The following LTBP1 variants were observed in gnomAD, a reference collection of about 807,000 sequenced individuals.
LTBP1 encodes the protein latent transforming growth factor beta binding protein 1, also known as latent-transforming growth factor beta-binding protein 1.
LTBP1 carries 129 observed loss-of-function variants against 207.6 expected under a neutral mutation model. The observed-to-expected ratio is 0.62, with a 90% confidence interval of 0.54 to 0.72. The LOEUF (loss-of-function observed/expected upper bound fraction) is 0.72. LTBP1 is among the 30% of genes least tolerant of loss of function. The pLI is 0.00. For missense variants in LTBP1, 2,281 were observed against 2,217.2 expected (o/e 1.03, Z -0.58); for synonymous variants, 963 against 833.7 (o/e 1.16, Z -2.67).
intron 3 of LTBP1, among the ~76,000 whole-genome samples, chr2:33,074,636 C>T (rs2077977626): frequency 6.6e-6 from 1 of 152,138 alleles, no homozygotes; most frequent in East Asian, 1.9e-4. Context: ...TTGGGAAGGC[C>T]GAGGCAGGCA....
chr2:33,120,929 C>T, intron 4 of LTBP1, among the ~76,000 whole-genome samples: 1 of 152,186 alleles, frequency 6.6e-6, no homozygotes, highest in South Asian at 2.1e-4. Context: ...GTTGACTACT[C>T]AGACTTACAT....
chr2:33,243,900 A>G, intron 10 of LTBP1, 116 bp downstream of exon 10: 1 of 1,162,270 alleles, frequency 8.6e-7, no homozygotes, highest in South Asian at 1.5e-5. Context: ...GGAAAACCTC[A>G]TTAATTAAAA....
At chr2:33,396,666 G>A (rs899190151) in intron 32 of LTBP1, among the ~76,000 whole-genome samples, 12 of 152,194 alleles carry the variant, frequency 7.9e-5, no homozygotes, top group African/African-American at 2.7e-4. Context: ...GAGCCAGCCT[G>A]CTTCTCTCTG....
intron 3 of LTBP1, among the ~76,000 whole-genome samples, chr2:33,067,464 A>G (rs1161640717): frequency 1.3e-5 from 2 of 152,272 alleles, no homozygotes; most frequent in African/African-American, 2.4e-5. Context: ...TAGCAGATAC[A>G]TTTTCTTAGC....
At chr2:33,226,464 G>A (rs1360428534) in intron 9 of LTBP1, among the ~76,000 whole-genome samples, 2 of 152,330 alleles carry the variant, frequency 1.3e-5, no homozygotes, top group East Asian at 1.9e-4. Flanking sequence ...TAGAGTAGCA[G>A]GTACAGCAGA....
chr2:33,072,031 A>G (rs1005049703), intron 3 of LTBP1, among the ~76,000 whole-genome samples: 1 of 86,574 alleles, frequency 1.2e-5, no homozygotes, highest in Non-Finnish European at 3.5e-5. Context: ...CAGTCCCACG[A>G]GACTGCCCCC....
intron 3 of LTBP1, among the ~76,000 whole-genome samples, chr2:33,085,045 C>T (rs2078669802): frequency 6.6e-6 from 1 of 152,126 alleles, no homozygotes; most frequent in South Asian, 2.1e-4. Flanking sequence ...GTGGCAAGTG[C>T]CCTTAGAAGA....
intron 15 of LTBP1, among the ~76,000 whole-genome samples, chr2:33,270,181 A>G (rs1336217674): frequency 6.6e-6 from 1 of 151,774 alleles, no homozygotes; most frequent in Non-Finnish European, 1.5e-5. Context: ...CGGCCTCCCA[A>G]AGTGCTGGGA....
chr2:33,202,029 A>ACACAGACACG (rs1444428946), intron 7 of LTBP1, among the ~76,000 whole-genome samples: 1 of 47,174 alleles, frequency 2.1e-5, no homozygotes, highest in African/African-American at 5.1e-5. Context: ...TGGAACACAC[A>ACACAGACACG]CACACACACA....
intron 8 of LTBP1, among the ~76,000 whole-genome samples, chr2:33,219,850 T>C (rs1226448054): frequency 6.6e-6 from 1 of 152,168 alleles, no homozygotes; most frequent in Non-Finnish European, 1.5e-5. Context: ...AGATTCCTAC[T>C]GTCCTTTTAT....
At chr2:33,142,324 G>A (rs2082697238) in intron 5 of LTBP1, among the ~76,000 whole-genome samples, 1 of 152,124 alleles carries the variant, frequency 6.6e-6, no homozygotes, top group Non-Finnish European at 1.5e-5. Flanking sequence ...CAAAGTGCTT[G>A]GATTACAGGC....
At chr2:33,394,438 G>A (rs926278762) in intron 32 of LTBP1, among the ~76,000 whole-genome samples, 1 of 152,112 alleles carries the variant, frequency 6.6e-6, no homozygotes. Flanking sequence ...GGTCTAACAT[G>A]TAAGTCTTTA....
chr2:33,178,548 T>C (rs2086302249), intron 5 of LTBP1, among the ~76,000 whole-genome samples: 1 of 152,230 alleles, frequency 6.6e-6, no homozygotes, highest in Admixed American at 6.5e-5. Context: ...TTGGAATTGT[T>C]GTTTGCATTG....
At chr2:33,184,024 T>G (rs1156899910) in intron 5 of LTBP1, among the ~76,000 whole-genome samples, 1 of 152,132 alleles carries the variant, frequency 6.6e-6, no homozygotes, top group Non-Finnish European at 1.5e-5. Flanking sequence ...TTTCCTCCTG[T>G]GTCCCATCAT....
chr2:33,348,663 G>C (rs537725651), intron 26 of LTBP1, among the ~76,000 whole-genome samples: 60 of 152,202 alleles, frequency 3.9e-4, no homozygotes, highest in African/African-American at 1.4e-3. Context: ...GTGTTATTTT[G>C]AATGAATTAA....
chr2:33,308,191 A>G (rs1029314894), intron 22 of LTBP1, among the ~76,000 whole-genome samples: 1 of 152,190 alleles, frequency 6.6e-6, no homozygotes, highest in African/African-American at 2.4e-5. Flanking sequence ...ATGTGCTTTG[A>G]CTAGGGGTAA....
intron 2 of LTBP1, among the ~76,000 whole-genome samples, chr2:32,952,163 G>A (rs1677227581): frequency 6.6e-6 from 1 of 152,152 alleles, no homozygotes; most frequent in Non-Finnish European, 1.5e-5. Flanking sequence ...GAGAAAGCCT[G>A]GATTGTTTTT....
chr2:33,227,186 C>G (rs991439631), intron 9 of LTBP1, among the ~76,000 whole-genome samples: 5 of 152,018 alleles, frequency 3.3e-5, no homozygotes, highest in Non-Finnish European at 7.4e-5. Flanking sequence ...ACCAACACAC[C>G]TGACTAATTT....
intron 3 of LTBP1, among the ~76,000 whole-genome samples, chr2:33,085,241 C>G (rs531842482): frequency 4.6e-5 from 7 of 152,282 alleles, no homozygotes; most frequent in Non-Finnish European, 1.0e-4. Flanking sequence ...CTTCTGGTCT[C>G]CATACCCGAG....
Sources: gnomAD v4.1 joint callset for allele counts (sites outside exome capture counted in the v4.1 genomes callset) on GRCh38, gnomAD v4.1.1 for gene constraint, MANE v1.5 for transcripts, NCBI Gene and HGNC (gene_info 2026-07-23, HGNC 2026-07-21) for gene names.